The following CSGALNACT1 variants were observed in gnomAD, a reference collection of about 807,000 sequenced individuals.
The protein encoded by CSGALNACT1 is beta4GalNAcT-1.
Under a neutral mutation model 51.0 loss-of-function variants are expected in CSGALNACT1, and 52 were observed. The observed-to-expected ratio is 1.02, with a 90% CI of 0.82 to 1.29. The LOEUF is 1.29. Among genes scored for constraint, CSGALNACT1 ranks in the 50% most tolerant of loss-of-function variants. The pLI is 0.00. For synonymous variants in CSGALNACT1, 341 were observed against 254.4 expected (o/e 1.34, Z -3.24); for missense variants, 935 against 679.2 (o/e 1.38, Z -4.19).
intron 4 of CSGALNACT1, among the ~76,000 whole-genome samples, chr8:19,482,022 G>A (rs75077885): frequency 0.049 from 7,417 of 152,128 alleles, 786 homozygotes; most frequent in East Asian, 0.44. Context: ...ATGCTTTCAC[G>A]TTATCAGCTC....
Position 19,644,404 on chromosome 8 carries a change from CA to C in CSGALNACT1, c.-544+38068del, listed in dbSNP as rs71545561. Among the ~76,000 whole-genome samples, 978 of 133,448 alleles carry C rather than the reference CA, an allele frequency of 7.3e-3. 12 individuals are homozygous for C. Among genetic ancestry groups the C allele is most frequent in the South Asian group, 0.055 (238 of 4,316 alleles). The allele number at this position is 133,448 out of a possible 152,430, so 87.5% of individuals were successfully genotyped here. ...ACCTGAAAAACAGTTCTTAACCTCTCAAAAAAAAAAAAAGGTAATGAGGGGC... is the reference window on the plus strand; with the variant it reads ...ACCTGAAAAACAGTTCTTAACCTCTCAAAAAAAAAAAAGGTAATGAGGGGC... On this transcript the variant is annotated intron_variant, in intron 1 of 9. Coordinates refer to the CSGALNACT1 transcript ENST00000332246.
chr8:19,542,608 G>C (rs575027899), intron 3 of CSGALNACT1, among the ~76,000 whole-genome samples: 1 of 152,220 alleles, frequency 6.6e-6, no homozygotes, highest in Non-Finnish European at 1.5e-5. Flanking sequence ...TTCTATGGGG[G>C]AGTTTTAAGA....
chr8:19,561,923 A>G (rs1415100741), intron 3 of CSGALNACT1, among the ~76,000 whole-genome samples: 1 of 151,942 alleles, frequency 6.6e-6, no homozygotes, highest in Non-Finnish European at 1.5e-5. Context: ...CTATTTCAGC[A>G]TGCGGCCTGA....
intron 4 of CSGALNACT1, among the ~76,000 whole-genome samples, chr8:19,486,351 G>A (rs955511084): frequency 2.6e-5 from 4 of 152,072 alleles, no homozygotes; most frequent in African/African-American, 9.7e-5. Flanking sequence ...ACCTCCCCAA[G>A]TCTATTCTCA....
intron 1 of CSGALNACT1, among the ~76,000 whole-genome samples, chr8:19,695,223 C>A (rs1390618818): frequency 6.6e-6 from 1 of 152,102 alleles, no homozygotes; most frequent in African/African-American, 2.4e-5. Context: ...CAAGCTTCTA[C>A]AGAACTGGAA....
chr8:19,456,327 C>T (rs780178491), intron 5 of CSGALNACT1, among the ~76,000 whole-genome samples: 14 of 152,306 alleles, frequency 9.2e-5, no homozygotes, highest in Non-Finnish European at 1.3e-4. Flanking sequence ...CCTCAGCAAG[C>T]CTAACATGTC....
At chr8:19,601,731 C>T (rs1241208098) in intron 2 of CSGALNACT1, 40 bp downstream of exon 2, 1 of 435,938 alleles carries the variant, frequency 2.3e-6, no homozygotes, top group South Asian at 1.6e-5. Flanking sequence ...CAAAGCAGAC[C>T]ATGCAAAGGT....
chr8:19,634,010 GCCTAAAGGTCTACGGAAAAC>G (rs2055666030), intron 1 of CSGALNACT1, among the ~76,000 whole-genome samples: 1 of 152,186 alleles, frequency 6.6e-6, no homozygotes, highest in East Asian at 1.9e-4. Flanking sequence ...CAGGGATGAT[GCCTAAAGGTCTACGGAAAAC>G]CCATAAAGCC....
intron 3 of CSGALNACT1, among the ~76,000 whole-genome samples, chr8:19,538,687 T>A (rs1173773716): frequency 6.6e-6 from 1 of 152,136 alleles, no homozygotes; most frequent in Non-Finnish European, 1.5e-5. Context: ...CAGCCATGAC[T>A]TATACTTTGG....
intron 3 of CSGALNACT1, among the ~76,000 whole-genome samples, chr8:19,568,812 G>A (rs1191079785): frequency 6.6e-6 from 1 of 152,170 alleles, no homozygotes; most frequent in Admixed American, 6.5e-5. Flanking sequence ...CCCTGTTAGA[G>A]CTACCTTTAA....
At chr8:19,631,887 G>C (rs1444383133) in intron 1 of CSGALNACT1, among the ~76,000 whole-genome samples, 2 of 152,094 alleles carry the variant, frequency 1.3e-5, no homozygotes, top group African/African-American at 2.4e-5. Flanking sequence ...AGCAGGGAGG[G>C]GCCTGGCATT....
At chr8:19,689,170 T>C (rs77889460) in intron 1 of CSGALNACT1, among the ~76,000 whole-genome samples, 9,613 of 152,244 alleles carry the variant, frequency 0.063, 397 homozygotes, top group African/African-American at 0.12. Flanking sequence ...AGCGATGCCA[T>C]GTGCCTTCCA....
intron 3 of CSGALNACT1, among the ~76,000 whole-genome samples, chr8:19,521,948 T>A (rs578089524): frequency 6.6e-6 from 1 of 152,300 alleles, no homozygotes; most frequent in South Asian, 2.1e-4. Context: ...TGTTCTGACG[T>A]TGTAAGTTGC....
intron 3 of CSGALNACT1, among the ~76,000 whole-genome samples, chr8:19,568,341 TC>T (rs1351781064): frequency 1.3e-5 from 2 of 151,986 alleles, no homozygotes; most frequent in Non-Finnish European, 2.9e-5. Context: ...TCTAAACATA[TC>T]AAAAAATAGA....
intron 3 of CSGALNACT1, among the ~76,000 whole-genome samples, chr8:19,580,451 A>G (rs1418486965): frequency 6.6e-6 from 1 of 152,216 alleles, no homozygotes; most frequent in Non-Finnish European, 1.5e-5. Flanking sequence ...TCAATGGCTT[A>G]TACCTTAGAA....
At chr8:19,518,321 G>C (rs1369476133) in intron 3 of CSGALNACT1, among the ~76,000 whole-genome samples, 1 of 152,282 alleles carries the variant, frequency 6.6e-6, no homozygotes, top group Non-Finnish European at 1.5e-5. Context: ...TTAACAGCAG[G>C]AACTAAGGAC....
chr8:19,522,806 A>G (rs1345886687), intron 3 of CSGALNACT1, among the ~76,000 whole-genome samples: 1 of 152,192 alleles, frequency 6.6e-6, no homozygotes, highest in Non-Finnish European at 1.5e-5. Context: ...CTAACGTTCT[A>G]ATTTCAGCTA....
In CSGALNACT1 at chr8:19,572,320, T is replaced by C. The variant is rs1001997599; in HGVS notation, c.-297+18840A>G. ...AATTTGTGCCATTAATGTTCACCTT[T>C]CCTTGTCATTCTTCATGGATATTCA... On this transcript the variant is annotated intron_variant, in intron 3 of 9. Transcript: ENST00000454498. 3.3e-5 allele frequency among the ~76,000 whole-genome samples: 5 copies of C among 152,230 alleles called. No homozygotes were observed. The East Asian group carries it at 9.6e-4, about 29-fold the overall frequency.
At chr8:19,520,498 C>T (rs28460428) in intron 3 of CSGALNACT1, among the ~76,000 whole-genome samples, 8,697 of 152,318 alleles carry the variant, frequency 0.057, 606 homozygotes, top group African/African-American at 0.15. Context: ...TTGTAGTCAG[C>T]AATCTCTACT....
Sources: allele counts gnomAD v4.1 joint callset (sites outside exome capture counted in the v4.1 genomes callset), GRCh38; gene constraint gnomAD v4.1.1; transcripts MANE v1.5; gene names NCBI Gene and HGNC (gene_info 2026-07-23, HGNC 2026-07-21).